The following SHC2 variants were observed in gnomAD, a reference collection of about 807,000 sequenced individuals.
SHC2 encodes SHC adaptor protein 2.
In SHC2, 62 loss-of-function variants were observed where a neutral mutation model predicts 60.6. The observed-to-expected ratio is 1.02, with a 90% CI of 0.83 to 1.26. The LOEUF (loss-of-function observed/expected upper bound fraction) is 1.26, where lower values mean the gene tolerates loss of function less well. Ranked by LOEUF, SHC2 falls within the 50% of genes most tolerant of loss-of-function variation. The pLI is 0.00. For synonymous variants in SHC2, 375 were observed against 372.4 expected (o/e 1.01, Z -0.08); for missense variants, 873 against 822.2 (o/e 1.06, Z -0.76).
In SHC2 at chr19:460,763, G is replaced by T; in HGVS notation, c.234C>A (p.Ala78=). ...GPGGVPALAA[A]VLGACEPRCA... is the part of the protein sequence containing the mutation. ...AGCGGGGCTCGCAGGCGCCCAGGAC[G>T]GCGGCCGCCAGCGCCGGGACGCCCC... Residue 78 remains alanine, a synonymous_variant, in exon 1 of 13, where the codon GCC becomes GCA. Transcript: ENST00000264554. 1.0e-6 allele frequency: 1 copy of T among 979,198 alleles called. No homozygotes were observed. The highest frequency in any genetic ancestry group is 4.6e-5 in the South Asian group (1 of 21,704). 60.7% of individuals were successfully genotyped at this position (979,198 alleles called of 1,614,324 possible).
rs1274309148 is a variant in SHC2 at position 441,224 on chromosome 19, G to A, written c.469-292C>T. 10 of 947,810 alleles carry A rather than the reference G, an allele frequency of 1.1e-5. No individual in the cohort carries two copies. The East Asian group carries it at 3.6e-4, about 34-fold the overall frequency. The allele number at this position is 947,810 out of a possible 1,614,324, so 58.7% of individuals were successfully genotyped here. On this transcript the variant is annotated intron_variant, in intron 1 of 12. Transcript: ENST00000264554. This position sits in a 1 kb window ranked among gnomAD's most constrained non-coding sequence, Gnocchi z 4.9. ...TTGTTCATTTAACCGTCTTGCCCTC[G>A]TCGGTCTCTTTCTGTTCCACCAGCA...
At position 445,489 on chromosome 19, in the gene SHC2, T is replaced by C. The variant is rs1455281225; in HGVS notation, c.469-4557A>G. Reference sequence around the variant, plus strand: ...CAGCTCATGCCTGTAATCGCAGCACTTCAGGAGACCTAGGTGGGAGGCTGT... The same window carrying C: ...CAGCTCATGCCTGTAATCGCAGCACCTCAGGAGACCTAGGTGGGAGGCTGT... On this transcript the variant is annotated intron_variant, in intron 1 of 12. Transcript: ENST00000264554. This position sits in a 1 kb window ranked among gnomAD's most constrained non-coding sequence, Gnocchi z 4.4. 6.6e-6 allele frequency among the ~76,000 whole-genome samples: 1 copy of C among 152,190 alleles called. No homozygotes were observed. Among genetic ancestry groups the C allele is most frequent in the Non-Finnish European group, 1.5e-5 (1 of 68,032 alleles).
Position 430,682 on chromosome 19 carries a change from A to C in SHC2, c.1174+2T>G. On this transcript the variant is annotated splice_donor_variant, in intron 9 of 12. Transcript: ENST00000264554. LOFTEE classifies it high-confidence loss of function. ...ACCCCTTGCAGCCCCAGCCCATCCT[A>C]CCTGTACCGGTGGACCCCACGTCCC... The C allele has an allele frequency of 6.2e-7, 1 of 1,612,660 alleles. No individual in the cohort carries two copies. Among genetic ancestry groups the C allele is most frequent in the Non-Finnish European group, 8.5e-7 (1 of 1,179,670 alleles).
intron 9 of SHC2, among the ~76,000 whole-genome samples, chr19:426,400 G>A (rs987866826): frequency 6.8e-6 from 1 of 146,786 alleles, no homozygotes. Flanking sequence ...ACCGAGAGGG[G>A]CAGAGTCCGG....
intron 7 of SHC2, 22 bp downstream of exon 7, chr19:436,143 C>T (rs374375879): frequency 3.2e-4 from 514 of 1,609,114 alleles, no homozygotes; most frequent in Admixed American, 4.2e-4. Flanking sequence ...CCCCAGGGCA[C>T]GGGGGAGGCA....
chr19:447,796 T>C (rs1196764538), intron 1 of SHC2, among the ~76,000 whole-genome samples: 1 of 151,824 alleles, frequency 6.6e-6, no homozygotes, highest in Non-Finnish European at 1.5e-5. Flanking sequence ...AATTAAAAAA[T>C]TATATGAGAA....
In SHC2 at chr19:434,986, A is replaced by C. The variant is rs571509090; in HGVS notation, c.954-121T>G. On this transcript the variant is annotated intron_variant, in intron 7 of 12. Coordinates refer to ENST00000264554, the MANE Select transcript of SHC2 (RefSeq NM_012435.3). ...TTCGAATCCCAGCCCCCCACCTGTC[A>C]CTGAGGGTTCCTACCGGGAAACGCT... The C allele has an allele frequency of 9.8e-4, 1,026 of 1,046,702 alleles. 7 individuals are homozygous for C. The African/African-American group carries it at 0.014, about 15-fold the overall frequency. The allele number at this position is 1,046,702 out of a possible 1,614,324, so 64.8% of individuals were successfully genotyped here.
chr19:427,476 G>C (rs73507720), intron 9 of SHC2, among the ~76,000 whole-genome samples: 1 of 151,294 alleles, frequency 6.6e-6, no homozygotes, highest in Non-Finnish European at 1.5e-5. Flanking sequence ...ACACGGCACA[G>C]GGAAGGGGAA....
At chr19:417,859 C>T (rs927577027) in intron 12 of SHC2, among the ~76,000 whole-genome samples, 6 of 152,218 alleles carry the variant, frequency 3.9e-5, no homozygotes, top group Non-Finnish European at 5.9e-5. Context: ...GGGGAGGGGC[C>T]GCCCAGGAGA....
At chr19:420,584 T>C (rs889414290) in intron 11 of SHC2, among the ~76,000 whole-genome samples, 3 of 152,216 alleles carry the variant, frequency 2.0e-5, no homozygotes, top group East Asian at 1.9e-4. Flanking sequence ...CTAAATCTCA[T>C]TGGCCCAGAG....
intron 11 of SHC2, 26 bp from the exon 12 acceptor site, chr19:419,082 G>T: frequency 6.4e-7 from 1 of 1,552,870 alleles, no homozygotes; most frequent in South Asian, 1.2e-5. Flanking sequence ...CTCGGCATCA[G>T]CTCCCGGGAG....
At chr19:417,644 A>G (rs1346124918) in intron 12 of SHC2, among the ~76,000 whole-genome samples, 1 of 152,258 alleles carries the variant, frequency 6.6e-6, no homozygotes, top group Non-Finnish European at 1.5e-5. Flanking sequence ...AGGAATCATT[A>G]CTGCCTTCCA....
chr19:460,678 A>C lies in SHC2; in HGVS notation c.319T>G (p.Ser107Ala), dbSNP rs1047827257. 5 of 1,048,304 alleles carry C rather than the reference A, an allele frequency of 4.8e-6. No homozygotes were observed. Among genetic ancestry groups the C allele is most frequent in the East Asian group, 7.9e-5 (1 of 12,666 alleles). The allele number at this position is 1,048,304 out of a possible 1,614,324, so 64.9% of individuals were successfully genotyped here. The change falls in exon 1 of 13, where the codon TCG becomes GCG. Residue 107 changes from serine to alanine, a missense_variant. Ser to Ala is a moderately conservative substitution (Grantham distance 99). Transcript: ENST00000264554. ...CCCGCCGCCCCCCGCCCGCCCCGCGACCCCCGCGACCCCGCGCCCCGACAG... is the reference window on the plus strand; with the variant it reads ...CCCGCCGCCCCCCGCCCGCCCCGCGCCCCCCGCGACCCCGCGCCCCGACAG... Reference protein sequence around the residue: ...SRCRGAGSRGSRGGRGAAGSG... With the variant: ...SRCRGAGSRGARGGRGAAGSG...
rs1433237075 is a variant in SHC2 at position 458,331 on chromosome 19, TTCCGGGGAGACAGAAGC to T, written c.468+2181_468+2197del. Among the ~76,000 whole-genome samples the T allele has an allele frequency of 4.7e-3, 509 of 107,996 alleles. 24 individuals carry two copies. Among genetic ancestry groups the T allele is most frequent in the East Asian group, 0.027 (78 of 2,918 alleles). 70.8% of individuals were successfully genotyped at this position (107,996 alleles called of 152,430 possible). A position where few individuals can be genotyped will look rare whatever the true frequency, so the allele number is the denominator to read the frequency against. ...CGGGTCTTGGGGAGGCGGAAGCGGG[TTCCGGGGAGACAGAAGC>T]GGGTTCCGGGGAGGCGGAAGCGGGT... is the stretch of plus-strand genomic sequence containing the variant. On this transcript the variant is annotated intron_variant, in intron 1 of 12. Transcript: ENST00000264554.
intron 1 of SHC2, 134 bp downstream of exon 1, chr19:460,395 G>A: frequency 2.8e-6 from 1 of 352,780 alleles, no homozygotes; most frequent in East Asian, 4.7e-5. Flanking sequence ...CGGGGATGGG[G>A]GTCCGGGGTG....
Position 416,813 on chromosome 19 carries a change from T to G in SHC2, c.*515A>C, listed in dbSNP as rs1974162667. 1 of 152,126 alleles carries G rather than the reference T, an allele frequency of 6.6e-6. No homozygotes were observed. The allele number at this position is 152,126 out of a possible 1,614,324, so 9.4% of individuals were successfully genotyped here. On this transcript the variant is annotated 3_prime_UTR_variant, in exon 13 of 13. Transcript: ENST00000264554. ...GATCCCAGGTGACCTCAAGGCTGCC[T>G]GCACTTCAGCGCCAGCATGTATCCT...
At position 422,342 on chromosome 19, in the gene SHC2, ACAGGGGCC is replaced by A; in HGVS notation, c.1416_1423del (p.Ala473GlyfsTer29). On this transcript the variant is annotated frameshift_variant, in exon 11 of 13. Transcript: ENST00000264554. LOFTEE classifies it high-confidence loss of function. This position sits in a 1 kb window ranked among gnomAD's most constrained non-coding sequence, Gnocchi z 5.0. The stretch of plus-strand genomic sequence containing the variant: ...ACGCAGCTGTTCCTCCGTGGGGGCC[ACAGGGGCC>A]CGGCGGGTAGGGGGGCTGGGCCACT... The A allele has an allele frequency of 6.2e-7, 1 of 1,609,240 alleles. No individual in the cohort carries two copies.
chr19:430,677 A>G lies in SHC2; in HGVS notation c.1174+7T>C, dbSNP rs1467361725. 1 of 1,612,414 alleles carries G rather than the reference A, an allele frequency of 6.2e-7. No homozygotes were observed. The highest frequency in any genetic ancestry group is 1.7e-5 in the Admixed American group (1 of 59,944). The stretch of plus-strand genomic sequence containing the variant: ...TGGGTACCCCTTGCAGCCCCAGCCC[A>G]TCCTACCTGTACCGGTGGACCCCAC... On this transcript the variant is annotated splice_region_variant and intron_variant, in intron 9 of 12. Coordinates refer to ENST00000264554, the MANE Select transcript of SHC2 (RefSeq NM_012435.3).
At chr19:455,108 T>G (rs1317100157) in intron 1 of SHC2, among the ~76,000 whole-genome samples, 1 of 152,218 alleles carries the variant, frequency 6.6e-6, no homozygotes, top group Non-Finnish European at 1.5e-5. Flanking sequence ...CATTTTGGGG[T>G]TCCAGGTTGG....
Sources: gnomAD v4.1 joint callset for allele counts (sites outside exome capture counted in the v4.1 genomes callset) on GRCh38, gnomAD v4.1.1 for gene constraint, Gnocchi (gnomAD v3.1) non-coding constraint, MANE v1.5 for transcripts, NCBI Gene and HGNC (gene_info 2026-07-23, HGNC 2026-07-21) for gene names.